DAB1: variants seen among roughly 807,000 people sequenced by gnomAD.
DAB1 encodes DAB adaptor protein 1, also known as disabled homolog 1.
Under a neutral mutation model 64.6 loss-of-function variants are expected in DAB1, and 15 were observed. The ratio of observed to expected loss-of-function variants is 0.23; its 90% CI spans 0.16 to 0.36. The LOEUF is 0.36. DAB1 is among the 10% of genes least tolerant of loss of function. The pLI is 1.00. For missense variants in DAB1, 596 were observed against 706.7 expected, an observed-to-expected ratio of 0.84 and a Z score of 1.78; for synonymous variants, 235 against 251.9, an observed-to-expected ratio of 0.93 and a Z score of 0.64.
At chr1:57,204,210 A>C (rs1386985632) in intron 2 of DAB1, among the ~76,000 whole-genome samples, 7 of 152,136 alleles carry the variant, frequency 4.6e-5, no homozygotes, top group Non-Finnish European at 1.0e-4. Context: ...TTCTTTAAAA[A>C]ATGCCAGCAG....
At chr1:57,185,481 A>T (rs907829373) in intron 2 of DAB1, among the ~76,000 whole-genome samples, 6 of 152,128 alleles carry the variant, frequency 3.9e-5, no homozygotes, top group African/African-American at 1.2e-4. Flanking sequence ...AAGAGTTAGA[A>T]GGAGGGAGAA....
intron 6 of DAB1, among the ~76,000 whole-genome samples, chr1:57,763,980 G>A: frequency 6.6e-6 from 1 of 152,268 alleles, no homozygotes; most frequent in Non-Finnish European, 1.5e-5. Flanking sequence ...GTAGATAAGA[G>A]TAGCCATACT....
intron 4 of DAB1, among the ~76,000 whole-genome samples, chr1:57,106,115 C>G (rs1395534234): frequency 6.6e-6 from 1 of 152,166 alleles, no homozygotes; most frequent in Non-Finnish European, 1.5e-5. Context: ...CTAATAGTTT[C>G]TCTCCCTTTC....
Position 57,809,241 on chromosome 1 carries a change from C to A in DAB1, n.551+74758G>T, listed in dbSNP as rs529883364. On this transcript the variant is annotated intron_variant and non_coding_transcript_variant, in intron 6 of 20. Transcript: ENST00000485760. ...ATGACTAACTGTGAATTAAGTTAAA[C>A]CAGATCAGAATAACACTTTGTTCAT... Among the ~76,000 whole-genome samples, 3 of 152,230 alleles carry A rather than the reference C, an allele frequency of 2.0e-5. No individual in the cohort carries two copies. In the East Asian group the frequency reaches 5.8e-4, roughly 29 times the overall value.
intron 6 of DAB1, among the ~76,000 whole-genome samples, chr1:57,665,849 C>CTCTGTGTG (rs748074939): frequency 1.5e-4 from 20 of 137,242 alleles, no homozygotes; most frequent in Admixed American, 6.7e-4. Context: ...TTTTAATTAT[C>CTCTGTGTG]TGTGTGTGTG....
At chr1:57,996,409 C>CAAGGTAGT (rs1646426137) in intron 5 of DAB1, among the ~76,000 whole-genome samples, 1 of 152,080 alleles carries the variant, frequency 6.6e-6, no homozygotes, top group Non-Finnish European at 1.5e-5. Flanking sequence ...AACAAGGTAG[C>CAAGGTAGT]AAGGTAGTGT....
intron 4 of DAB1, among the ~76,000 whole-genome samples, chr1:57,107,807 A>G (rs527794555): frequency 3.9e-5 from 6 of 152,280 alleles, no homozygotes; most frequent in African/African-American, 1.4e-4. Flanking sequence ...GGAGCAGCCC[A>G]GGTTTGGGTC....
chr1:58,136,836 A>T (rs1653973591), intron 5 of DAB1, among the ~76,000 whole-genome samples: 1 of 152,260 alleles, frequency 6.6e-6, no homozygotes, highest in Non-Finnish European at 1.5e-5. Flanking sequence ...GGGCCTGAAA[A>T]GTAACTTGCT....
intron 5 of DAB1, among the ~76,000 whole-genome samples, chr1:57,904,375 T>G (rs1644519409): frequency 1.3e-5 from 2 of 152,156 alleles, no homozygotes. Flanking sequence ...ACCAGCTGGT[T>G]TGTGAGCATC....
At position 57,567,432 on chromosome 1, in the gene DAB1, C is replaced by T. The variant is rs934862140; in HGVS notation, n.625+82160G>A. On this transcript the variant is annotated intron_variant and non_coding_transcript_variant, in intron 7 of 20. Transcript: ENST00000485760. ...GTGTTGGAAGTTCTGGCCAGGGCAA[C>T]CAGGCAGGAGAAAGAAATAAAGGGT... Among the ~76,000 whole-genome samples the T allele has an allele frequency of 3.0e-3, 452 of 152,050 alleles. 4 individuals carry two copies. The highest frequency in any genetic ancestry group is 9.9e-3 in the African/African-American group (409 of 41,498).
chr1:58,037,090 C>T (rs192936854), intron 5 of DAB1, among the ~76,000 whole-genome samples: 5 of 152,218 alleles, frequency 3.3e-5, no homozygotes, highest in Admixed American at 3.3e-4. Flanking sequence ...TTCCCTTAGA[C>T]CGCTATCATT....
At position 57,881,559 on chromosome 1, in the gene DAB1, A is replaced by G. The variant is rs545222913; in HGVS notation, n.87+2440T>C. ...CTATAAATCAGATATGACAGTACCTATTATAAAGGATTATTTTGAAAATTA... is the reference window on the plus strand; with the variant it reads ...CTATAAATCAGATATGACAGTACCTGTTATAAAGGATTATTTTGAAAATTA... On this transcript the variant is annotated intron_variant and non_coding_transcript_variant, in intron 1 of 1. Transcript: ENST00000477280. Among the ~76,000 whole-genome samples the G allele has an allele frequency of 3.0e-4, 46 of 152,350 alleles. No homozygotes were observed. The South Asian group carries it at 3.7e-3, about 12-fold the overall frequency.
intron 7 of DAB1, among the ~76,000 whole-genome samples, chr1:57,514,673 G>T (rs1644443904): frequency 6.6e-6 from 1 of 152,162 alleles, no homozygotes; most frequent in African/African-American, 2.4e-5. Context: ...TGCCTCTGGG[G>T]GGATGTTTTT....
intron 9 of DAB1, among the ~76,000 whole-genome samples, chr1:57,039,378 A>G (rs2100467767): frequency 6.6e-6 from 1 of 152,318 alleles, no homozygotes; most frequent in East Asian, 1.9e-4. Flanking sequence ...AGGAGGAAAA[A>G]TAGTCATGGA....
At chr1:57,193,112 G>A (rs1421942158) in intron 2 of DAB1, among the ~76,000 whole-genome samples, 1 of 152,090 alleles carries the variant, frequency 6.6e-6, no homozygotes, top group Non-Finnish European at 1.5e-5. Flanking sequence ...CAAGAACACA[G>A]TGTTATTAAC....
intron 2 of DAB1, among the ~76,000 whole-genome samples, chr1:57,279,249 G>A (rs1312837377): frequency 6.6e-6 from 1 of 152,012 alleles, no homozygotes; most frequent in Non-Finnish European, 1.5e-5. Context: ...TATATAAAAT[G>A]GCATAGTATT....
intron 5 of DAB1, among the ~76,000 whole-genome samples, chr1:58,089,360 C>G (rs562350981): frequency 6.6e-6 from 1 of 152,346 alleles, no homozygotes; most frequent in East Asian, 1.9e-4. Flanking sequence ...TATGCGCTTA[C>G]GAGTACATGG....
intron 3 of DAB1, among the ~76,000 whole-genome samples, chr1:58,437,978 T>C (rs891842967): frequency 6.6e-6 from 1 of 152,158 alleles, no homozygotes; most frequent in Non-Finnish European, 1.5e-5. Context: ...GACCTGGAGA[T>C]GCCAGTGACC....
intron 4 of DAB1, among the ~76,000 whole-genome samples, chr1:58,269,516 A>C (rs1467113383): frequency 8.6e-6 from 1 of 116,234 alleles, no homozygotes; most frequent in Non-Finnish European, 2.0e-5. Context: ...AGCATGATTT[A>C]TAGTCATTTG....
Sources: gnomAD v4.1 joint callset for allele counts (sites outside exome capture counted in the v4.1 genomes callset) on GRCh38, gnomAD v4.1.1 for gene constraint, MANE v1.5 for transcripts, NCBI Gene and HGNC (gene_info 2026-07-23, HGNC 2026-07-21) for gene names.